Variants in FUOM observed in about 807,000 individuals in gnomAD.
The protein encoded by FUOM is fucose mutarotase.
Under a neutral mutation model 18.3 loss-of-function variants are expected in FUOM, and 19 were observed. The ratio of observed to expected loss-of-function variants is 1.04; its 90% CI spans 0.73 to 1.53. The LOEUF (loss-of-function observed/expected upper bound fraction) is 1.53, where lower values mean the gene tolerates loss of function less well. Among genes scored for constraint, FUOM ranks in the 40% most tolerant of loss-of-function variants. The pLI, the probability that FUOM is intolerant of heterozygous loss-of-function variation, is 0.00. For missense variants in FUOM, 210 were observed against 200.9 expected, an observed-to-expected ratio of 1.04 and a Z score of -0.27; for synonymous variants, 102 against 87.9, an observed-to-expected ratio of 1.16 and a Z score of -0.90.
Position 133,355,398 on chromosome 10 carries a change from C to T in FUOM, c.437G>A (p.Gly146Glu), listed in dbSNP as rs758362565. ...ALYGNLILRK[G>E]VLALNPLL ...CAGCAGGGGGTTGAGGGCAAGCACC[C>T]CCTTCCTGAGGATGAGGTTTCCGTA... Residue 146 changes from glycine (G) to glutamate (E), a missense_variant, in exon 6 of 6, where the codon GGG (glycine) becomes GAG (glutamate). Coordinates refer to ENST00000278025, the MANE Select transcript of FUOM (RefSeq NM_001098483.3). 12 of 1,608,898 alleles carry T rather than the reference C, an allele frequency of 7.5e-6. No homozygotes were observed. In the Admixed American group the frequency reaches 1.3e-4, roughly 18 times the overall value.
intron 3 of FUOM, 58 bp downstream of exon 3, chr10:133,356,885 C>A (rs1017839909): frequency 6.6e-7 from 1 of 1,525,922 alleles, no homozygotes; most frequent in Admixed American, 2.0e-5. Context: ...CTATGAAGCC[C>A]GCAAAAGGGG....
chr10:133,356,554 G>T, intron 4 of FUOM, 86 bp downstream of exon 4: 1 of 1,058,086 alleles, frequency 9.5e-7, no homozygotes, highest in Non-Finnish European at 1.3e-6. Context: ...GACAGAGCTT[G>T]GGACCCTCTG....
intron 4 of FUOM, among the ~76,000 whole-genome samples, 166 bp from the exon 5 acceptor site, chr10:133,355,977 A>C (rs572860670): frequency 3.9e-5 from 6 of 152,278 alleles, no homozygotes; most frequent in Admixed American, 1.3e-4. Context: ...TCTGGCTCCC[A>C]AGGCCTAGGA....
In FUOM at chr10:133,356,998, T is replaced by G. The variant is rs559535109; in HGVS notation, c.170A>C (p.Gln57Pro). Residue 57 changes from glutamine to proline, a missense_variant, in exon 3 of 6, where the codon CAG becomes CCG. Transcript: ENST00000278025. The part of the protein sequence containing the change: ...EIRADGLGIP[Q>P]LLEAVLKLLP... ...CAGCTTCAGCACGGCCTCCAGGAGC[T>G]GCGGGATGCCCAGGCCTGGAGGGCA... The G allele has an allele frequency of 7.1e-6, 11 of 1,550,180 alleles. No individual in the cohort carries two copies. In the South Asian group the frequency reaches 1.1e-4, roughly 15 times the overall value.
chr10:133,355,224 A>G lies in FUOM; in HGVS notation c.*146T>C, dbSNP rs931333790. The G allele has an allele frequency of 1.3e-6, 1 of 798,288 alleles. No homozygotes were observed. 49.5% of individuals were successfully genotyped at this position (798,288 alleles called of 1,614,324 possible). On this transcript the variant is annotated 3_prime_UTR_variant, in exon 6 of 6. Coordinates refer to ENST00000278025, the MANE Select transcript of FUOM (RefSeq NM_001098483.3). The stretch of plus-strand genomic sequence containing the variant: ...ATCAGGGATACTCGTCCCAATTGGC[A>G]GGGCCCACCCCAAGACTGCCGGCCC...
chr10:133,356,726 C>G lies in FUOM; in HGVS notation c.238G>C (p.Glu80Gln). Reference sequence around the variant, plus strand: ...CTCTCCTTGTCGCTGGGCACCAGCTCCATGACTGCAGCCTAGAGGGAGGGG... The same window carrying G: ...CTCTCCTTGTCGCTGGGCACCAGCTGCATGACTGCAGCCTAGAGGGAGGGG... ...TYVESPAAVM[E>Q]LVPSDKERGL... The change falls in exon 4 of 6, where the codon GAG (glutamate) becomes CAG (glutamine). Residue 80 changes from glutamate to glutamine, a missense_variant. By Grantham distance (29) the Glu-to-Gln change is conservative. Transcript: ENST00000278025. The G allele has an allele frequency of 6.3e-7, 1 of 1,589,654 alleles. No individual in the cohort carries two copies. The highest frequency in any genetic ancestry group is 8.6e-7 in the Non-Finnish European group (1 of 1,167,760).
At chr10:133,356,546 C>A in intron 4 of FUOM, 94 bp downstream of exon 4, 1 of 984,782 alleles carries the variant, frequency 1.0e-6, no homozygotes, top group Non-Finnish European at 1.4e-6. Flanking sequence ...CACTTGAGGA[C>A]AGAGCTTGGG....
downstream of FUOM, among the ~76,000 whole-genome samples, chr10:133,353,041 C>T (rs1389999776): frequency 6.6e-6 from 1 of 152,146 alleles, no homozygotes; most frequent in Non-Finnish European, 1.5e-5. Context: ...GGGGATGGGA[C>T]CAGAGGGCAC....
chr10:133,356,713 C>T lies in FUOM; in HGVS notation c.251G>A (p.Ser84Asn), dbSNP rs1589872829. ...SPAAVMELVP[S>N]DKERGLQTPV... ...GGTCTGCAGGCCCCTCTCCTTGTCGCTGGGCACCAGCTCCATGACTGCAGC... is the reference window on the plus strand; with the variant it reads ...GGTCTGCAGGCCCCTCTCCTTGTCGTTGGGCACCAGCTCCATGACTGCAGC... Residue 84 changes from serine to asparagine, a missense_variant, in exon 4 of 6, where the codon AGC (serine) becomes AAC (asparagine). Coordinates refer to ENST00000278025, the MANE Select transcript of FUOM (RefSeq NM_001098483.3). 6.3e-7 allele frequency: 1 copy of T among 1,596,876 alleles called. No individual in the cohort carries two copies. Among genetic ancestry groups the T allele is most frequent in the Non-Finnish European group, 8.5e-7 (1 of 1,170,892 alleles).
chr10:133,355,826 G>GGCAGGGTTGGAGGGAACCCT lies in FUOM; in HGVS notation c.325-35_325-16dup, dbSNP rs765565097. The GGCAGGGTTGGAGGGAACCCT allele has an allele frequency of 5.0e-6, 8 of 1,610,770 alleles. No individual in the cohort carries two copies. The highest frequency in any genetic ancestry group is 1.3e-5 in the African/African-American group (1 of 74,912). ...GCCAGGGCTCTCTGGAAGACAAAATGGCAGGGTTGGAGGGAACCCTGCCAA... is the reference window on the plus strand; with the variant it reads ...GCCAGGGCTCTCTGGAAGACAAAATGGCAGGGTTGGAGGGAACCCTGCAGGGTTGGAGGGAACCCTGCCAA... On this transcript the variant is annotated splice_polypyrimidine_tract_variant and intron_variant, in intron 4 of 5. Transcript: ENST00000278025.
At chr10:133,355,692 G>A in intron 5 of FUOM, 46 bp downstream of exon 5, 1 of 1,578,930 alleles carries the variant, frequency 6.3e-7, no homozygotes, top group Non-Finnish European at 8.7e-7. Flanking sequence ...GGCAGCTCCT[G>A]AGGCCCCAGT....
chr10:133,357,389 C>A lies in FUOM; in HGVS notation c.86-134G>T, dbSNP rs1848843883. The A allele has an allele frequency of 3.5e-5, 30 of 847,458 alleles. 1 individual carries two copies. In the South Asian group the frequency reaches 4.8e-4, roughly 13 times the overall value. The allele number at this position is 847,458 out of a possible 1,614,324, so 52.5% of individuals were successfully genotyped here. A position where few individuals can be genotyped will look rare whatever the true frequency, so the allele number is the denominator to read the frequency against. On this transcript the variant is annotated intron_variant, in intron 1 of 5. Coordinates refer to ENST00000278025, the MANE Select transcript of FUOM (RefSeq NM_001098483.3). ...CTCAGGTCAGCCAGTTGGGCGCCCC[C>A]ACCGCCGACCGGCCGCAGTCAGATC...
In FUOM at chr10:133,357,233, C is replaced by T; in HGVS notation, c.108G>A (p.Pro36=). ...GCCCACACTGGCAGATGGAGGAGGC[C>T]GGGAAGTTCAAGTCCGCAAGAACTA... ...DEIVLADLNF[P]ASSICQCGPM... is the part of the protein sequence containing the mutation. The change falls in exon 2 of 6, where the codon CCG becomes CCA. Residue 36 remains proline, a synonymous_variant. Transcript: ENST00000278025. The T allele has an allele frequency of 5.1e-6, 8 of 1,581,826 alleles. No homozygotes were observed. The highest frequency in any genetic ancestry group is 5.1e-6 in the Non-Finnish European group (6 of 1,165,104).
At position 133,356,985 on chromosome 10, in the gene FUOM, G is replaced by A. The variant is rs576772221; in HGVS notation, c.183C>T (p.Ala61=). ...DGLGIPQLLE[A]VLKLLPLDTY... is the part of the protein sequence containing the mutation. ...TGTCCAGGGGCAGCAGCTTCAGCAC[G>A]GCCTCCAGGAGCTGCGGGATGCCCA... Residue 61 remains alanine (A), a synonymous_variant, in exon 3 of 6, where the codon GCC becomes GCT. Transcript: ENST00000278025. 6 of 1,550,216 alleles carry A rather than the reference G, an allele frequency of 3.9e-6. No homozygotes were observed. The highest frequency in any genetic ancestry group is 1.7e-4 in the Middle Eastern group (1 of 5,940).
chr10:133,356,537 A>G (rs2133419934), intron 4 of FUOM, 103 bp downstream of exon 4: 1 of 836,076 alleles, frequency 1.2e-6, no homozygotes, highest in East Asian at 3.1e-5. Context: ...GTGGGAGACC[A>G]CTTGAGGACA....
At chr10:133,357,412 A>G in intron 1 of FUOM, 157 bp from the exon 2 acceptor site, 1 of 728,100 alleles carries the variant, frequency 1.4e-6, no homozygotes, top group Non-Finnish European at 2.4e-6. Flanking sequence ...CCGCAGTCAG[A>G]TCCGCAGGGC....
chr10:133,353,521 G>A (rs956749616), downstream of FUOM, among the ~76,000 whole-genome samples: 1 of 152,168 alleles, frequency 6.6e-6, no homozygotes, highest in Non-Finnish European at 1.5e-5. Context: ...GAGGCCACCC[G>A]TCCCTCATCC....
At chr10:133,352,914 G>A (rs1297047425), downstream of FUOM, among the ~76,000 whole-genome samples, 4 of 152,214 alleles carry the variant, frequency 2.6e-5, no homozygotes, top group Non-Finnish European at 5.9e-5. Flanking sequence ...AGCCTGCCCT[G>A]CCTAGGAGAA....
chr10:133,357,620 G>C, intron 1 of FUOM: 1 of 485,406 alleles, frequency 2.1e-6, no homozygotes, highest in Non-Finnish European at 3.6e-6. Flanking sequence ...CCCCTGCCCC[G>C]GGACCCCAGG....
Sources: gnomAD v4.1 joint callset for allele counts (sites outside exome capture counted in the v4.1 genomes callset) on GRCh38, gnomAD v4.1.1 for gene constraint, MANE v1.5 for transcripts, NCBI Gene and HGNC (gene_info 2026-07-23, HGNC 2026-07-21) for gene names.